MAP3K19: variants seen among roughly 807,000 people sequenced by gnomAD.
The protein encoded by MAP3K19 is SPS1/STE20-related protein kinase YSK4.
MAP3K19 carries 91 observed loss-of-function variants against 114.4 expected under a neutral mutation model. That is an observed-to-expected ratio of 0.80 (90% CI 0.67 to 0.95). The LOEUF (loss-of-function observed/expected upper bound fraction) is 0.95. Ranked by LOEUF, MAP3K19 falls within the 40% of genes least tolerant of loss-of-function variation. The pLI is 0.00. For synonymous variants in MAP3K19, 518 were observed against 530.5 expected (o/e 0.98, Z 0.32); for missense variants, 1,471 against 1,573.2 (o/e 0.94, Z 1.10).
intron 4 of MAP3K19, 135 bp from the exon 5 acceptor site, chr2:135,021,965 T>A: frequency 1.9e-6 from 1 of 537,620 alleles, no homozygotes; most frequent in Non-Finnish European, 3.2e-6. Context: ...GGGATCCTGA[T>A]GAAGCTTCAA....
At chr2:135,004,997 G>T (rs1202960232) in intron 6 of MAP3K19, among the ~76,000 whole-genome samples, 1 of 152,170 alleles carries the variant, frequency 6.6e-6, no homozygotes, top group Non-Finnish European at 1.5e-5. Context: ...GGAGTGAGGT[G>T]GAATAAAAGA....
chr2:134,977,075 A>T (rs1320930689), intron 12 of MAP3K19, among the ~76,000 whole-genome samples: 2 of 149,852 alleles, frequency 1.3e-5, no homozygotes, highest in Non-Finnish European at 3.0e-5. Flanking sequence ...AAATTCTTTC[A>T]CTATCTGGAG....
Position 134,998,748 on chromosome 2 carries a change from T to C in MAP3K19, c.564A>G (p.Arg188=), listed in dbSNP as rs368847388. 19 of 1,595,156 alleles carry C rather than the reference T, an allele frequency of 1.2e-5. No homozygotes were observed. The highest frequency in any genetic ancestry group is 2.7e-5 in the African/African-American group (2 of 73,848). ...DAPHFLKEQQ[R]KSEEFSTSHM... ...CAATGTTCAACTTACCTTCAGATTT[T>C]CTTTGCTGCTCCTTCAGAAAATGAG... Residue 188 remains arginine (R), a synonymous_variant, in exon 8 of 13, where the codon AGA becomes AGG. Coordinates refer to ENST00000392915, the MANE Select transcript of MAP3K19 (RefSeq NM_025052.5).
intron 12 of MAP3K19, among the ~76,000 whole-genome samples, chr2:134,977,542 T>G (rs940944182): frequency 5.9e-5 from 9 of 151,890 alleles, no homozygotes; most frequent in African/African-American, 1.9e-4. Context: ...TTTTGTATTT[T>G]TAGTGGAGAC....
At chr2:134,998,571 T>C (rs1432412432) in intron 8 of MAP3K19, among the ~76,000 whole-genome samples, 167 bp downstream of exon 8, 2 of 152,228 alleles carry the variant, frequency 1.3e-5, no homozygotes. Flanking sequence ...TAGTTTATTG[T>C]CTGTCTCGCA....
chr2:135,021,675 G>GAGT (rs756276625), intron 5 of MAP3K19, 40 bp downstream of exon 5: 16 of 1,106,192 alleles, frequency 1.4e-5, no homozygotes, highest in Non-Finnish European at 2.2e-5. Context: ...GTAGTAGATG[G>GAGT]AGTAGGCTGT....
intron 4 of MAP3K19, among the ~76,000 whole-genome samples, chr2:135,023,955 C>A (rs1254058426): frequency 1.3e-5 from 2 of 152,064 alleles, no homozygotes; most frequent in East Asian, 3.8e-4. Flanking sequence ...TCCATGGGCC[C>A]AGTTTCTTTA....
At chr2:135,030,109 C>T (rs1027870385) in intron 3 of MAP3K19, among the ~76,000 whole-genome samples, 6 of 152,320 alleles carry the variant, frequency 3.9e-5, no homozygotes, top group African/African-American at 9.6e-5. Context: ...AGGTGGAAAT[C>T]GACTGCTCCT....
intron 12 of MAP3K19, among the ~76,000 whole-genome samples, chr2:134,965,136 T>C (rs1457140069): frequency 1.3e-5 from 2 of 152,174 alleles, no homozygotes; most frequent in African/African-American, 4.8e-5. Context: ...ACCTAACTCA[T>C]TGGGAGAATT....
intron 1 of MAP3K19, among the ~76,000 whole-genome samples, chr2:135,042,700 A>G (rs746038667): frequency 2.0e-5 from 3 of 152,116 alleles, no homozygotes; most frequent in Non-Finnish European, 4.4e-5. Context: ...CACATCGGGA[A>G]GCCCATGGAG....
intron 3 of MAP3K19, 27 bp from the exon 4 acceptor site, chr2:135,024,768 GTTTA>G (rs1688191302): frequency 1.3e-6 from 1 of 796,240 alleles, no homozygotes; most frequent in African/African-American, 1.8e-5. Context: ...CAACATTAAA[GTTTA>G]TTTAGTTGAA....
intron 12 of MAP3K19, among the ~76,000 whole-genome samples, chr2:134,970,596 T>A (rs1353931117): frequency 9.0e-6 from 1 of 111,302 alleles, no homozygotes; most frequent in South Asian, 3.2e-4. Flanking sequence ...TTTGAATGCC[T>A]TTTTTTTTTT....
intron 12 of MAP3K19, among the ~76,000 whole-genome samples, chr2:134,978,444 C>G (rs1254227770): frequency 1.3e-5 from 2 of 151,942 alleles, no homozygotes; most frequent in African/African-American, 4.8e-5. Context: ...TAAGTGATCC[C>G]CCCACCTCGG....
chr2:135,042,943 T>C (rs1688674631), intron 1 of MAP3K19, among the ~76,000 whole-genome samples: 1 of 150,226 alleles, frequency 6.7e-6, no homozygotes, highest in Non-Finnish European at 1.5e-5. Context: ...ATTACCCGGG[T>C]GTGGTGGCGC....
At chr2:135,029,416 T>C (rs932091942) in intron 3 of MAP3K19, among the ~76,000 whole-genome samples, 32 of 152,052 alleles carry the variant, frequency 2.1e-4, no homozygotes, top group South Asian at 2.1e-4. Context: ...TAGATTACAA[T>C]TACAACTGCT....
chr2:134,983,370 G>A, intron 11 of MAP3K19: 1 of 597,672 alleles, frequency 1.7e-6, no homozygotes, highest in Non-Finnish European at 3.3e-6. Context: ...TGGCCATTGA[G>A]TCACTATATG....
chr2:135,021,589 T>C, intron 5 of MAP3K19, 126 bp downstream of exon 5: 3 of 594,634 alleles, frequency 5.0e-6, no homozygotes, highest in Admixed American at 3.4e-5. Flanking sequence ...TTACCAAATA[T>C]GCTTTTTTAT....
Position 134,980,830 on chromosome 2 carries a change from C to A in MAP3K19, c.3911G>T (p.Cys1304Phe). 5 of 1,612,736 alleles carry A rather than the reference C, an allele frequency of 3.1e-6. No homozygotes were observed. The highest frequency in any genetic ancestry group is 3.4e-6 in the Non-Finnish European group (4 of 1,178,772). ...SENAADFVRM[C>F]LTRDQHERPS... ...GCTTTCAGTTTCTTACCTGGTCAGGCACATGCGCACAAAGTCTGCTGCATT... is the reference window on the plus strand; with the variant it reads ...GCTTTCAGTTTCTTACCTGGTCAGGAACATGCGCACAAAGTCTGCTGCATT... Residue 1304 changes from cysteine to phenylalanine, a missense_variant, in exon 12 of 13, where the codon TGC becomes TTC. Transcript: ENST00000392915.
intron 10 of MAP3K19, 69 bp downstream of exon 10, chr2:134,985,730 AG>A (rs2105221787): frequency 1.6e-6 from 2 of 1,282,508 alleles, no homozygotes; most frequent in Non-Finnish European, 2.2e-6. Context: ...TTTGAAAATA[AG>A]GGGTTTGAAC....
Sources: allele counts gnomAD v4.1 joint callset (sites outside exome capture counted in the v4.1 genomes callset), GRCh38; gene constraint gnomAD v4.1.1; transcripts MANE v1.5; gene names NCBI Gene and HGNC (gene_info 2026-07-23, HGNC 2026-07-21).